GRID1: variants seen among roughly 807,000 people sequenced by gnomAD.
The protein encoded by GRID1 is glutamate receptor ionotropic, delta-1.
A neutral mutation model predicts 98.0 loss-of-function variants in GRID1; 28 were observed. The ratio of observed to expected loss-of-function variants is 0.29; its 90% confidence interval spans 0.21 to 0.39. GRID1 has a LOEUF of 0.39. Ranked by LOEUF, GRID1 falls within the 10% of genes least tolerant of loss-of-function variation. The probability of loss-of-function intolerance (pLI) is 1.00; values close to 1 mark genes in which losing one functional copy is unlikely to be tolerated. For synonymous variants in GRID1, 553 were observed against 538.5 expected (o/e 1.03, Z -0.37); for missense variants, 1,111 against 1,340.5 (o/e 0.83, Z 2.67).
chr10:85,613,173 G>T, intron 15 of GRID1: 1 of 576,730 alleles, frequency 1.7e-6, no homozygotes, highest in East Asian at 2.9e-5. Context: ...GACTTTAGTG[G>T]CTAAGGCTGG....
chr10:86,138,998 C>A lies in GRID1; in HGVS notation c.547G>T (p.Asp183Tyr). 6.2e-7 allele frequency: 1 copy of A among 1,613,828 alleles called. No individual in the cohort carries two copies. The highest frequency in any genetic ancestry group is 1.1e-5 in the South Asian group (1 of 91,048). ...TCAAGGCCCAGCCGCGAGGCCTGGT[C>A]CAGAAAGCTTTGAAGCCCACGGATA... ...YDIRGLQSFL[D>Y]QASRLGLDVS... is the part of the protein sequence containing the mutation. Residue 183 changes from aspartate (D) to tyrosine (Y), a missense_variant, in exon 4 of 16, where the codon GAC (aspartate) becomes TAC (tyrosine). This residue lies in a region of GRID1 where 346 missense variants were observed against 452.3 expected (regional missense o/e 0.76). Coordinates refer to ENST00000327946, the MANE Select transcript of GRID1 (RefSeq NM_017551.3).
Position 86,273,365 on chromosome 10 carries a change from A to G in GRID1, c.236-66717T>C, listed in dbSNP as rs569667957. ...CTTTGCTATTGTGAATAGTGCTGCA[A>G]TAAACATACGTCTGCATGTGTCTTT... On this transcript the variant is annotated intron_variant, in intron 2 of 15. Transcript: ENST00000327946. Among the ~76,000 whole-genome samples, 1,087 of 126,356 alleles carry G rather than the reference A, an allele frequency of 8.6e-3. 17 individuals are homozygous for G. The highest frequency in any genetic ancestry group is 0.015 in the Non-Finnish European group (830 of 55,664). 82.9% of individuals were successfully genotyped at this position (126,356 alleles called of 152,430 possible).
At chr10:86,169,483 G>A (rs566109237) in intron 3 of GRID1, among the ~76,000 whole-genome samples, 1 of 152,274 alleles carries the variant, frequency 6.6e-6, no homozygotes, top group South Asian at 2.1e-4. Context: ...CCCTGCACAG[G>A]GGTACCCACA....
intron 2 of GRID1, among the ~76,000 whole-genome samples, chr10:86,269,752 G>A (rs1029906087): frequency 1.1e-4 from 17 of 152,314 alleles, no homozygotes; most frequent in African/African-American, 4.1e-4. Flanking sequence ...GGAGGTAGGG[G>A]CACATCCTGT....
rs73334770 is a variant in GRID1 at position 85,842,454 on chromosome 10, T to C, written c.1233+12042A>G. On this transcript the variant is annotated intron_variant, in intron 8 of 15. Transcript: ENST00000327946. ...GTATGTAACAAGCCTAAACATGTAT[T>C]CCTGAACTTAAAATAAAAATTTAAA... is the stretch of plus-strand genomic sequence containing the variant. Among the ~76,000 whole-genome samples the C allele has an allele frequency of 5.7e-3, 869 of 152,068 alleles. 8 individuals carry two copies. The highest frequency in any genetic ancestry group is 0.02 in the African/African-American group (817 of 41,520).
intron 3 of GRID1, among the ~76,000 whole-genome samples, chr10:86,149,147 G>A (rs1430069102): frequency 6.6e-6 from 1 of 152,178 alleles, no homozygotes. Flanking sequence ...ACAATCGGGT[G>A]ACACAATAGA....
At chr10:85,879,600 T>A (rs1490015201) in intron 5 of GRID1, among the ~76,000 whole-genome samples, 1 of 151,844 alleles carries the variant, frequency 6.6e-6, no homozygotes, top group African/African-American at 2.4e-5. Context: ...CATACGAGAA[T>A]CTCTGGGACA....
intron 2 of GRID1, among the ~76,000 whole-genome samples, chr10:86,352,727 ACTTCTAGAC>A (rs1397003680): frequency 6.6e-6 from 1 of 152,036 alleles, no homozygotes; most frequent in African/African-American, 2.4e-5. Context: ...AGTCCATAAC[ACTTCTAGAC>A]CTTCCCCCAG....
intron 3 of GRID1, among the ~76,000 whole-genome samples, chr10:86,199,643 G>A (rs1022439922): frequency 6.6e-6 from 1 of 152,128 alleles, no homozygotes; most frequent in African/African-American, 2.4e-5. Context: ...GCTCTTTCAG[G>A]GCACCCAGCA....
Position 85,916,492 on chromosome 10 carries a change from T to G in GRID1, c.727-253A>C, listed in dbSNP as rs1841622551. ...GAGCAAGATTAGACGCTTGGGTTCCTGCAGGCAGCACAGGGTCACAGGCAC... is the reference window on the plus strand; with the variant it reads ...GAGCAAGATTAGACGCTTGGGTTCCGGCAGGCAGCACAGGGTCACAGGCAC... On this transcript the variant is annotated intron_variant, in intron 4 of 15. Transcript: ENST00000327946. This position sits in a 1 kb window ranked among gnomAD's most constrained non-coding sequence, Gnocchi z 4.0. Among the ~76,000 whole-genome samples the G allele has an allele frequency of 2.0e-5, 3 of 152,240 alleles. No individual in the cohort carries two copies. In the South Asian group the frequency reaches 6.2e-4, roughly 31 times the overall value.
chr10:86,024,105 C>T (rs886740366), intron 4 of GRID1, among the ~76,000 whole-genome samples: 11 of 152,150 alleles, frequency 7.2e-5, no homozygotes, highest in African/African-American at 2.4e-4. Context: ...GTCAGATTTC[C>T]CTAGTCAAGG....
At chr10:85,671,039 T>A (rs546945852) in intron 12 of GRID1, among the ~76,000 whole-genome samples, 1 of 152,318 alleles carries the variant, frequency 6.6e-6, no homozygotes, top group East Asian at 1.9e-4. Context: ...ATGAGGACAC[T>A]GCCACCCTCA....
At chr10:86,037,717 CA>C (rs201583090) in intron 4 of GRID1, among the ~76,000 whole-genome samples, 2 of 148,682 alleles carry the variant, frequency 1.3e-5, no homozygotes, top group Non-Finnish European at 1.5e-5. Flanking sequence ...ATGCATACAC[CA>C]AAAAAAAATG....
At chr10:86,140,138 A>G (rs1300654155) in intron 3 of GRID1, among the ~76,000 whole-genome samples, 2 of 152,164 alleles carry the variant, frequency 1.3e-5, no homozygotes, top group Non-Finnish European at 2.9e-5. Context: ...CCAGAGTCTC[A>G]ATCCACAGGC....
At chr10:85,760,519 C>A (rs1363391806) in intron 8 of GRID1, among the ~76,000 whole-genome samples, 1 of 152,180 alleles carries the variant, frequency 6.6e-6, no homozygotes, top group African/African-American at 2.4e-5. Flanking sequence ...CATTCATTTT[C>A]TGCCAGGTAA....
chr10:86,163,760 C>G (rs1845357201), intron 3 of GRID1, among the ~76,000 whole-genome samples: 2 of 152,212 alleles, frequency 1.3e-5, no homozygotes, highest in African/African-American at 2.4e-5. Flanking sequence ...TGAGTCCCCA[C>G]TCGGTGGCAG....
intron 2 of GRID1, among the ~76,000 whole-genome samples, chr10:86,284,178 A>G (rs1222946495): frequency 6.8e-6 from 1 of 146,352 alleles, no homozygotes; most frequent in Non-Finnish European, 1.5e-5. Context: ...ACACATACCT[A>G]CACATACACA....
At chr10:85,762,181 C>T (rs1389863847) in intron 8 of GRID1, among the ~76,000 whole-genome samples, 1 of 152,176 alleles carries the variant, frequency 6.6e-6, no homozygotes, top group East Asian at 1.9e-4. Context: ...AGTCCTTTCC[C>T]CACTGTCTCC....
intron 8 of GRID1, among the ~76,000 whole-genome samples, chr10:85,735,655 G>A (rs181286887): frequency 5.3e-4 from 80 of 152,226 alleles, no homozygotes; most frequent in African/African-American, 1.9e-3. Flanking sequence ...TTATAAAGGT[G>A]TCTTAAAGTG....
Sources: gnomAD v4.1 joint callset for allele counts (sites outside exome capture counted in the v4.1 genomes callset) on GRCh38, gnomAD v4.1.1 for gene constraint, gnomAD v4.1.1 regional missense constraint, Gnocchi (gnomAD v3.1) non-coding constraint, MANE v1.5 for transcripts, NCBI Gene and HGNC (gene_info 2026-07-23, HGNC 2026-07-21) for gene names.